Variants in RBFOX1 observed in about 807,000 individuals in gnomAD.
The protein encoded by RBFOX1 is RNA binding protein fox-1 homolog 1.
In RBFOX1, 8 loss-of-function variants were observed where a neutral mutation model predicts 57.7. The ratio of observed to expected loss-of-function variants is 0.14; its 90% CI spans 0.08 to 0.25. The LOEUF (loss-of-function observed/expected upper bound fraction) is 0.25, where lower values mean the gene tolerates loss of function less well. Ranked by LOEUF, RBFOX1 falls within the 10% of genes least tolerant of loss-of-function variation. The pLI, the probability that RBFOX1 is intolerant of heterozygous loss-of-function variation, is 1.00. For missense variants in RBFOX1, 611 were observed against 548.5 expected (o/e 1.11, Z -1.14); for synonymous variants, 326 against 222.4 (o/e 1.47, Z -4.15).
intron 4 of RBFOX1, among the ~76,000 whole-genome samples, chr16:7,315,647 AATAT>A (rs5815396): frequency 0.017 from 2,515 of 148,386 alleles, 53 homozygotes; most frequent in African/African-American, 0.05. Flanking sequence ...TGGAGAACAG[AATAT>A]ATATATATAT....
intron 3 of RBFOX1, among the ~76,000 whole-genome samples, chr16:5,642,613 C>A (rs890776885): frequency 6.6e-6 from 1 of 152,054 alleles, no homozygotes; most frequent in African/African-American, 2.4e-5. Flanking sequence ...CCTAGCCGCC[C>A]CCCCTTCCCC....
chr16:7,507,765 G>T (rs2073850404), intron 4 of RBFOX1, among the ~76,000 whole-genome samples: 2 of 151,860 alleles, frequency 1.3e-5, no homozygotes, highest in Admixed American at 6.6e-5. Flanking sequence ...CGGTTTCACC[G>T]TGTTAGCCAG....
chr16:7,338,424 C>T (rs958034840), intron 4 of RBFOX1, among the ~76,000 whole-genome samples: 9 of 152,286 alleles, frequency 5.9e-5, no homozygotes, highest in Admixed American at 5.9e-4. Flanking sequence ...GAGAAAGGGT[C>T]TCACTCTGTC....
intron 2 of RBFOX1, among the ~76,000 whole-genome samples, chr16:5,567,881 A>G (rs2046130214): frequency 6.6e-6 from 1 of 152,176 alleles, no homozygotes; most frequent in South Asian, 2.1e-4. Flanking sequence ...TTGTTACCCC[A>G]TTTTATGTTT....
chr16:6,058,461 A>G (rs1181181350), intron 1 of RBFOX1, among the ~76,000 whole-genome samples: 1 of 152,226 alleles, frequency 6.6e-6, no homozygotes, highest in Non-Finnish European at 1.5e-5. Context: ...TAGATCTTTA[A>G]AGATACATCT....
At chr16:6,524,109 T>G (rs1301586044) in intron 2 of RBFOX1, among the ~76,000 whole-genome samples, 1 of 152,184 alleles carries the variant, frequency 6.6e-6, no homozygotes, top group Non-Finnish European at 1.5e-5. Context: ...TTCTATTTCA[T>G]GTACCCATTA....
intron 4 of RBFOX1, among the ~76,000 whole-genome samples, chr16:7,320,701 CTAAT>C (rs2143012454): frequency 6.6e-6 from 1 of 152,326 alleles, no homozygotes; most frequent in Admixed American, 6.5e-5. Flanking sequence ...GCTCAGCACT[CTAAT>C]TGAGATATAA....
At chr16:5,243,995 C>G (rs886517899) in intron 1 of RBFOX1, among the ~76,000 whole-genome samples, 1 of 152,082 alleles carries the variant, frequency 6.6e-6, no homozygotes, top group Admixed American at 6.6e-5. Flanking sequence ...CTCCTGGGCT[C>G]AAGTGATTCT....
At chr16:6,128,306 T>A (rs1385933231) in intron 1 of RBFOX1, among the ~76,000 whole-genome samples, 1 of 152,188 alleles carries the variant, frequency 6.6e-6, no homozygotes, top group Non-Finnish European at 1.5e-5. Flanking sequence ...ATATCTTACA[T>A]TATGTTTTTA....
chr16:5,785,953 C>T (rs1270546670), intron 3 of RBFOX1, among the ~76,000 whole-genome samples: 1 of 152,152 alleles, frequency 6.6e-6, no homozygotes, highest in Non-Finnish European at 1.5e-5. Context: ...ATTTCCATTC[C>T]CTACCTTCAT....
At chr16:7,284,666 C>A (rs185495105) in intron 4 of RBFOX1, among the ~76,000 whole-genome samples, 4 of 152,290 alleles carry the variant, frequency 2.6e-5, no homozygotes, top group African/African-American at 9.6e-5. Flanking sequence ...TTAAGAGAGG[C>A]AGAGGACAGA....
At chr16:6,383,888 T>C (rs2092039155) in intron 2 of RBFOX1, among the ~76,000 whole-genome samples, 1 of 151,960 alleles carries the variant, frequency 6.6e-6, no homozygotes, top group Admixed American at 6.6e-5. Context: ...TGGGATCTGG[T>C]TTTTGTTTTG....
intron 4 of RBFOX1, among the ~76,000 whole-genome samples, chr16:7,513,214 G>T (rs2152083788): frequency 6.6e-6 from 1 of 152,194 alleles, no homozygotes; most frequent in East Asian, 1.9e-4. Flanking sequence ...AGTGAGCCGA[G>T]AGCCTACCAT....
intron 3 of RBFOX1, among the ~76,000 whole-genome samples, chr16:6,863,995 T>TTC: frequency 6.6e-6 from 1 of 151,162 alleles, no homozygotes; most frequent in Admixed American, 6.6e-5. Context: ...GTTCCTTTTT[T>TTC]TTTTTTTTTG....
At chr16:7,194,119 G>A (rs976252891) in intron 4 of RBFOX1, among the ~76,000 whole-genome samples, 2 of 152,046 alleles carry the variant, frequency 1.3e-5, no homozygotes, top group East Asian at 1.9e-4. Flanking sequence ...TACCCTATTC[G>A]TGTCAATGAG....
intron 3 of RBFOX1, chr16:5,610,493 T>C (rs1369119321): frequency 6.6e-6 from 1 of 152,190 alleles, no homozygotes; most frequent in African/African-American, 2.4e-5. Flanking sequence ...ACTGTGGTCT[T>C]GGCAGGGGTA....
chr16:6,810,661 C>A (rs985220413), intron 3 of RBFOX1, among the ~76,000 whole-genome samples: 10 of 152,042 alleles, frequency 6.6e-5, no homozygotes, highest in African/African-American at 1.9e-4. Flanking sequence ...TGACGCAGTT[C>A]CACATGGCTG....
rs555990363 is a variant in RBFOX1 at position 6,832,564 on chromosome 16, G to T, written c.-16+177914G>T. Among the ~76,000 whole-genome samples, 5 of 152,172 alleles carry T rather than the reference G, an allele frequency of 3.3e-5. 1 individual carries two copies. In the South Asian group the frequency reaches 1.0e-3, roughly 32 times the overall value. On this transcript the variant is annotated intron_variant, in intron 3 of 15. Coordinates refer to ENST00000550418, the MANE Select transcript of RBFOX1 (RefSeq NM_018723.4). ...GTATGAATGTCTTGGGGTCTCAGGG[G>T]CTGGGTGCTTGCAGCAGCCGCAGAC...
At chr16:6,924,099 G>A (rs1463313972) in intron 3 of RBFOX1, among the ~76,000 whole-genome samples, 2 of 152,008 alleles carry the variant, frequency 1.3e-5, no homozygotes, top group South Asian at 2.1e-4. Flanking sequence ...GAACCCGGAG[G>A]TGGAGGTTGC....
Sources: gnomAD v4.1 joint callset for allele counts (sites outside exome capture counted in the v4.1 genomes callset) on GRCh38, gnomAD v4.1.1 for gene constraint, MANE v1.5 for transcripts, NCBI Gene and HGNC (gene_info 2026-07-23, HGNC 2026-07-21) for gene names.